The following DAZAP1 variants were observed in gnomAD, a reference collection of about 807,000 sequenced individuals.
DAZAP1 encodes the protein DAZ-associated protein 1.
DAZAP1 carries 6 observed loss-of-function variants against 60.1 expected under a neutral mutation model. The observed-to-expected ratio is 0.10, with a 90% confidence interval of 0.05 to 0.20. DAZAP1 has a LOEUF of 0.20. Among genes scored for constraint, DAZAP1 ranks in the 10% least tolerant of loss-of-function variants. The pLI is 1.00. For missense variants in DAZAP1, 366 were observed against 560.4 expected, an observed-to-expected ratio of 0.65 and a Z score of 3.50; for synonymous variants, 235 against 215.9, an observed-to-expected ratio of 1.09 and a Z score of -0.78.
rs1055986662 is a variant in DAZAP1 at position 1,435,014 on chromosome 19, G to C, written c.*102G>C. On this transcript the variant is annotated 3_prime_UTR_variant, in exon 12 of 12. Coordinates refer to ENST00000233078, the MANE Select transcript of DAZAP1 (RefSeq NM_018959.4). ...CGGCAAAGTGGCGACTCAACCTTGG[G>C]GGGGGGGGCGGGGGGAGGGCGCGAG... is the stretch of plus-strand genomic sequence containing the variant. 8.1e-5 allele frequency: 17 copies of C among 209,206 alleles called. No homozygotes were observed. The highest frequency in any genetic ancestry group is 2.6e-4 in the African/African-American group (10 of 39,186). The allele number at this position is 209,206 out of a possible 1,614,324, so 13.0% of individuals were successfully genotyped here. A position where few individuals can be genotyped will look rare whatever the true frequency, so the allele number is the denominator to read the frequency against.
In DAZAP1 at chr19:1,425,324, A is replaced by T. The variant is rs1201425324; in HGVS notation, c.464-554A>T. ...TGCTGTCAGCACTAGCTGCAAAGCA[A>T]ATTGCAAGCCAAGGGGGAGAATCCT... On this transcript the variant is annotated intron_variant, in intron 6 of 11. Coordinates refer to ENST00000233078, the MANE Select transcript of DAZAP1 (RefSeq NM_018959.4). The surrounding 1 kb of genome is among the most constrained non-coding windows in gnomAD (Gnocchi z 5.4). Among the ~76,000 whole-genome samples the T allele has an allele frequency of 6.6e-6, 1 of 152,210 alleles. No homozygotes were observed. Among genetic ancestry groups the T allele is most frequent in the African/African-American group, 2.4e-5 (1 of 41,444 alleles).
At position 1,433,897 on chromosome 19, in the gene DAZAP1, C is replaced by A; in HGVS notation, c.1049-840C>A. On this transcript the variant is annotated intron_variant, in intron 11 of 11. Transcript: ENST00000233078. The surrounding 1 kb of genome is among the most constrained non-coding windows in gnomAD (Gnocchi z 6.1). ...CGGGAGGTGGACGTGGCTTCCTCTG[C>A]CGTCCCGGGCGGGGGTGGACGCTGG... 1 of 1,419,608 alleles carries A rather than the reference C, an allele frequency of 7.0e-7. No individual in the cohort carries two copies. Among genetic ancestry groups the A allele is most frequent in the Non-Finnish European group, 9.9e-7 (1 of 1,008,230 alleles). The allele number at this position is 1,419,608 out of a possible 1,614,324, so 87.9% of individuals were successfully genotyped here.
chr19:1,421,957 G>C (rs1380428355), intron 5 of DAZAP1, among the ~76,000 whole-genome samples: 1 of 152,226 alleles, frequency 6.6e-6, no homozygotes, highest in African/African-American at 2.4e-5. Flanking sequence ...TGAGGGCCGA[G>C]CGTGCCCTTT....
chr19:1,422,998 C>T lies in DAZAP1; in HGVS notation c.463+602C>T, dbSNP rs1008296150. ...TGGTTTGTGGAGCTGGGACGATGGGCGCCCAGTTTCTGTGCCCCTTTTCCG... is the reference window on the plus strand; with the variant it reads ...TGGTTTGTGGAGCTGGGACGATGGGTGCCCAGTTTCTGTGCCCCTTTTCCG... On this transcript the variant is annotated intron_variant, in intron 6 of 11. Coordinates refer to ENST00000233078, the MANE Select transcript of DAZAP1 (RefSeq NM_018959.4). The surrounding 1 kb of genome is among the most constrained non-coding windows in gnomAD (Gnocchi z 4.5). Among the ~76,000 whole-genome samples, 1 of 152,222 alleles carries T rather than the reference C, an allele frequency of 6.6e-6. No homozygotes were observed. Among genetic ancestry groups the T allele is most frequent in the African/African-American group, 2.4e-5 (1 of 41,534 alleles).
chr19:1,414,649 T>C (rs1181193805), intron 1 of DAZAP1, among the ~76,000 whole-genome samples: 3 of 151,660 alleles, frequency 2.0e-5, no homozygotes, highest in Non-Finnish European at 4.4e-5. Flanking sequence ...GGCAGGAGAA[T>C]CGCTTGAACC....
Position 1,430,269 on chromosome 19 carries a change from C to CCCCCCCTGAA in DAZAP1, c.779_780insCCCCCTGAAC (p.Phe262LeufsTer168). ...AGGAAGAGGAGCCCCCCCGCCACCC[C>CCCCCCCTGAA]CACCGTTCACCTCCTACATCGTGTC... On this transcript the variant is annotated frameshift_variant, in exon 10 of 12. Coordinates refer to ENST00000233078, the MANE Select transcript of DAZAP1 (RefSeq NM_018959.4). LOFTEE classifies it high-confidence loss of function. 7.4e-7 allele frequency: 1 copy of CCCCCCCTGAA among 1,356,190 alleles called. No homozygotes were observed. Among genetic ancestry groups the CCCCCCCTGAA allele is most frequent in the Non-Finnish European group, 1.0e-6 (1 of 971,280 alleles). 84.0% of individuals were successfully genotyped at this position (1,356,190 alleles called of 1,614,324 possible). A position where few individuals can be genotyped will look rare whatever the true frequency, so the allele number is the denominator to read the frequency against.
At chr19:1,429,400 C>T (rs1198113142) in intron 8 of DAZAP1, among the ~76,000 whole-genome samples, 1 of 152,220 alleles carries the variant, frequency 6.6e-6, no homozygotes, top group Non-Finnish European at 1.5e-5. Flanking sequence ...ATCCTTGCCA[C>T]CTGCCGTTCC....
intron 2 of DAZAP1, 115 bp downstream of exon 2, chr19:1,417,655 CGTT>C (rs1291970272): frequency 5.0e-6 from 5 of 1,002,854 alleles, no homozygotes; most frequent in African/African-American, 1.7e-5. Flanking sequence ...GTCCTTTTGA[CGTT>C]GTTCTGATTT....
chr19:1,433,866 C>G lies in DAZAP1; in HGVS notation c.1049-871C>G. 6.3e-7 allele frequency: 1 copy of G among 1,578,360 alleles called. No individual in the cohort carries two copies. Among genetic ancestry groups the G allele is most frequent in the Non-Finnish European group, 8.7e-7 (1 of 1,148,326 alleles). ...CCTTCTCCAGGGTCCTCCCACCCGC[C>G]TGCACCGGGAGGTGGACGTGGCTTC... On this transcript the variant is annotated intron_variant, in intron 11 of 11. Coordinates refer to ENST00000233078, the MANE Select transcript of DAZAP1 (RefSeq NM_018959.4). The surrounding 1 kb of genome is among the most constrained non-coding windows in gnomAD (Gnocchi z 6.1).
At chr19:1,413,754 C>T (rs966046421) in intron 1 of DAZAP1, among the ~76,000 whole-genome samples, 3 of 152,190 alleles carry the variant, frequency 2.0e-5, no homozygotes, top group African/African-American at 7.2e-5. Context: ...CTATGTGAAA[C>T]GAAAGCTATC....
At chr19:1,424,889 A>C (rs698748) in intron 6 of DAZAP1, among the ~76,000 whole-genome samples, 1 of 151,998 alleles carries the variant, frequency 6.6e-6, no homozygotes, top group African/African-American at 2.4e-5. Flanking sequence ...TTGCGGTGTC[A>C]CGCTCCACCT....
chr19:1,423,272 T>C lies in DAZAP1; in HGVS notation c.463+876T>C, dbSNP rs1394646313. ...AGGAGTGCTCCTCCTCCATGTCGGTTACGCTGTTAAGTCTTAGTCGTAACT... is the reference window on the plus strand; with the variant it reads ...AGGAGTGCTCCTCCTCCATGTCGGTCACGCTGTTAAGTCTTAGTCGTAACT... On this transcript the variant is annotated intron_variant, in intron 6 of 11. Coordinates refer to ENST00000233078, the MANE Select transcript of DAZAP1 (RefSeq NM_018959.4). This position sits in a 1 kb window ranked among gnomAD's most constrained non-coding sequence, Gnocchi z 6.8. Among the ~76,000 whole-genome samples, 1 of 152,272 alleles carries C rather than the reference T, an allele frequency of 6.6e-6. No individual in the cohort carries two copies. The highest frequency in any genetic ancestry group is 2.4e-5 in the African/African-American group (1 of 41,482).
chr19:1,428,940 C>T lies in DAZAP1; in HGVS notation c.645C>T (p.Ala215=). 1 of 1,612,104 alleles carries T rather than the reference C, an allele frequency of 6.2e-7. No homozygotes were observed. Among genetic ancestry groups the T allele is most frequent in the Non-Finnish European group, 8.5e-7 (1 of 1,179,454 alleles). ...GGAGCCGGGTTGTGCCCAACGCTGC[C>T]AATGGCTGGGCAGGCCAGCCCCCGC... ...QWGSRVVPNA[A]NGWAGQPPPT... is the part of the protein sequence containing the mutation. The change falls in exon 8 of 12, where the codon GCC becomes GCT. Residue 215 remains alanine (A), a synonymous_variant. Coordinates refer to ENST00000233078, the MANE Select transcript of DAZAP1 (RefSeq NM_018959.4). The surrounding 1 kb of genome is among the most constrained non-coding windows in gnomAD (Gnocchi z 4.0).
At chr19:1,414,987 C>A (rs915009510) in intron 1 of DAZAP1, among the ~76,000 whole-genome samples, 2 of 151,780 alleles carry the variant, frequency 1.3e-5, no homozygotes, top group South Asian at 4.2e-4. Context: ...CCTGGAGTCT[C>A]GTTACGTTGC....
intron 1 of DAZAP1, among the ~76,000 whole-genome samples, chr19:1,408,158 A>C (rs1423851589): frequency 6.8e-6 from 1 of 146,130 alleles, no homozygotes; most frequent in Non-Finnish European, 1.5e-5. Context: ...CCGCTTCCCG[A>C]CTGCGCGTCC....
chr19:1,424,855 C>G (rs1156335093), intron 6 of DAZAP1, among the ~76,000 whole-genome samples: 1 of 152,186 alleles, frequency 6.6e-6, no homozygotes, highest in African/African-American at 2.4e-5. Context: ...CCGCCTGGGC[C>G]CCGCCTCGGG....
rs756843956 is a variant in DAZAP1 at position 1,418,630 on chromosome 19, C to G, written c.238-36C>G. On this transcript the variant is annotated intron_variant, in intron 3 of 11. Transcript: ENST00000233078. This position sits in a 1 kb window ranked among gnomAD's most constrained non-coding sequence, Gnocchi z 5.7. Reference sequence around the variant, plus strand: ...ACCCTCTTTCCTAGAGAAACAGCCTCTTATTCACAACCAGCTGATTTGAAA... The same window carrying G: ...ACCCTCTTTCCTAGAGAAACAGCCTGTTATTCACAACCAGCTGATTTGAAA... 8 of 1,613,490 alleles carry G rather than the reference C, an allele frequency of 5.0e-6. No homozygotes were observed. In the African/African-American group the frequency reaches 8.0e-5, roughly 16 times the overall value.
At chr19:1,431,287 C>G (rs1020855008) in intron 10 of DAZAP1, among the ~76,000 whole-genome samples, 5 of 151,268 alleles carry the variant, frequency 3.3e-5, no homozygotes, top group African/African-American at 1.2e-4. Flanking sequence ...CACCACCACG[C>G]CTGGCTAATT....
intron 1 of DAZAP1, among the ~76,000 whole-genome samples, chr19:1,408,192 G>T (rs2082720096): frequency 6.6e-6 from 1 of 152,090 alleles, no homozygotes; most frequent in Admixed American, 6.5e-5. Flanking sequence ...ATGGGAGCCA[G>T]AGGGGTTCAG....
Sources: allele counts gnomAD v4.1 joint callset (sites outside exome capture counted in the v4.1 genomes callset), GRCh38; gene constraint gnomAD v4.1.1; non-coding constraint Gnocchi (gnomAD v3.1); transcripts MANE v1.5; gene names NCBI Gene and HGNC (gene_info 2026-07-23, HGNC 2026-07-21).